Variants in CENPF observed in about 807,000 individuals in gnomAD.
The protein encoded by CENPF is AH antigen.
Under a neutral mutation model 307.3 loss-of-function variants are expected in CENPF, and 214 were observed. The ratio of observed to expected loss-of-function variants is 0.70; its 90% CI spans 0.62 to 0.78. CENPF has a LOEUF of 0.78. CENPF is among the 30% of genes least tolerant of loss of function. The pLI is 0.00. For missense variants in CENPF, 3,401 were observed against 3,483.9 expected (o/e 0.98, Z 0.60); for synonymous variants, 1,259 against 1,270.6 (o/e 0.99, Z 0.19).
intron 6 of CENPF, among the ~76,000 whole-genome samples, 182 bp from the exon 7 acceptor site, chr1:214,621,897 T>C (rs185407441): frequency 5.4e-4 from 83 of 152,354 alleles, no homozygotes; most frequent in Admixed American, 4.8e-3. Flanking sequence ...TATAGAGTAT[T>C]TGAATGCAAA....
rs1005798621 is a variant in CENPF at position 214,632,346 on chromosome 1, C to T, written c.1324-134C>T. 1.7e-5 allele frequency: 15 copies of T among 887,622 alleles called. No individual in the cohort carries two copies. The Admixed American group carries it at 1.8e-4, about 10-fold the overall frequency. 55.0% of individuals were successfully genotyped at this position (887,622 alleles called of 1,614,324 possible). ...TATTTTAAGACATATTTAGCTGTGA[C>T]GTATACTGTATCTCAGCCAAAATAG... On this transcript the variant is annotated intron_variant, in intron 9 of 19. Coordinates refer to ENST00000366955, the MANE Select transcript of CENPF (RefSeq NM_016343.4).
chr1:214,624,879 G>A (rs150181354), intron 7 of CENPF, among the ~76,000 whole-genome samples: 11 of 152,264 alleles, frequency 7.2e-5, no homozygotes, highest in African/African-American at 2.6e-4. Flanking sequence ...GAGAGAGAAT[G>A]TTGGAGTCCC....
chr1:214,649,977 A>G (rs1658418515), intron 14 of CENPF, among the ~76,000 whole-genome samples: 1 of 152,256 alleles, frequency 6.6e-6, no homozygotes, highest in South Asian at 2.1e-4. Flanking sequence ...TGCAGCTTAC[A>G]GTCTAGACAC....
chr1:214,613,031 A>G (rs1657239599), intron 1 of CENPF: 1 of 336,474 alleles, frequency 3.0e-6, no homozygotes, highest in Non-Finnish European at 5.6e-6. Flanking sequence ...TAGGCACCAA[A>G]GCTCTTGTAG....
chr1:214,622,235 A>T lies in CENPF; in HGVS notation c.1022A>T (p.Asp341Val). Residue 341 changes from aspartate (D) to valine (V), a missense_variant, in exon 7 of 20, where the codon GAT becomes GTT. Asp to Val is a radical substitution (Grantham distance 152). Coordinates refer to ENST00000366955, the MANE Select transcript of CENPF (RefSeq NM_016343.4). Reference protein sequence around the residue: ...EKEKVLNKCRDELVRTTAQYD... With the variant: ...EKEKVLNKCRVELVRTTAQYD... ...GAGAAAGTTTTGAACAAATGTAGGG[A>T]TGAACTAGTGAGAACAACAGCACAA... The T allele has an allele frequency of 6.2e-7, 1 of 1,614,122 alleles. No individual in the cohort carries two copies. Among genetic ancestry groups the T allele is most frequent in the South Asian group, 1.1e-5 (1 of 91,078 alleles).
intron 10 of CENPF, among the ~76,000 whole-genome samples, chr1:214,633,487 G>C (rs961106115): frequency 3.9e-5 from 6 of 152,324 alleles, no homozygotes; most frequent in African/African-American, 1.4e-4. Context: ...AGGAAAGAAT[G>C]TTTTTCTGTT....
rs1468775102 is a variant in CENPF at position 214,645,309 on chromosome 1, C to G, written c.5739C>G (p.Ser1913Arg). The change falls in exon 13 of 20, where the codon AGC (serine) becomes AGG (arginine). Residue 1913 changes from serine to arginine, a missense_variant. Physicochemically the swap from Ser to Arg is moderately radical, Grantham distance 110 (BLOSUM62 -1). Coordinates refer to ENST00000366955, the MANE Select transcript of CENPF (RefSeq NM_016343.4). Reference protein sequence around the residue: ...ELSRIRSEKASIEHEALYLEA... With the variant: ...ELSRIRSEKARIEHEALYLEA... The stretch of plus-strand genomic sequence containing the variant: ...GTAGGATCAGATCGGAGAAAGCTAG[C>G]ATTGAGCATGAAGCCCTCTACCTGG... 1.2e-6 allele frequency: 2 copies of G among 1,614,058 alleles called. No homozygotes were observed. Among genetic ancestry groups the G allele is most frequent in the Middle Eastern group, 1.7e-4 (1 of 6,060 alleles).
chr1:214,653,203 A>G (rs763671077), intron 16 of CENPF: 64 of 512,996 alleles, frequency 1.2e-4, no homozygotes, highest in Middle Eastern at 5.1e-4. Context: ...CCATTGCCTC[A>G]TGCATCCTCT....
intron 10 of CENPF, 52 bp downstream of exon 10, chr1:214,632,654 AG>A: frequency 1.3e-6 from 2 of 1,599,336 alleles, no homozygotes; most frequent in South Asian, 2.2e-5. Flanking sequence ...ACCAAGTGCA[AG>A]GGGAAAAGAA....
intron 3 of CENPF, among the ~76,000 whole-genome samples, chr1:214,615,420 A>G (rs1054735982): frequency 6.6e-6 from 1 of 152,204 alleles, no homozygotes; most frequent in Admixed American, 6.5e-5. Flanking sequence ...TGATAGTATG[A>G]TAGTACTTGT....
At chr1:214,660,737 C>A (rs1429466326) in intron 19 of CENPF, among the ~76,000 whole-genome samples, 2 of 152,228 alleles carry the variant, frequency 1.3e-5, no homozygotes, top group Non-Finnish European at 2.9e-5. Flanking sequence ...TCTTAGAAAA[C>A]CATGACATAT....
At chr1:214,661,506 T>C (rs560444811) in intron 19 of CENPF, among the ~76,000 whole-genome samples, 24 of 152,232 alleles carry the variant, frequency 1.6e-4, no homozygotes, top group Non-Finnish European at 3.1e-4. Flanking sequence ...GACAGTTTCC[T>C]AGGTCATTTA....
chr1:214,631,799 C>A (rs1248091185), intron 9 of CENPF, among the ~76,000 whole-genome samples: 1 of 152,226 alleles, frequency 6.6e-6, no homozygotes, highest in Non-Finnish European at 1.5e-5. Flanking sequence ...CCTGCCTGGG[C>A]AGCATCCTAA....
Position 214,641,279 on chromosome 1 carries a change from G to A in CENPF, c.2941G>A (p.Glu981Lys), listed in dbSNP as rs565322817. ...GACCCAAGAGAATGGGACTCTTAAG[G>A]AAATTAATGCATCCTTAAATCAAGA... ...ELTQENGTLK[E>K]INASLNQEKM... Residue 981 changes from glutamate (E) to lysine (K), a missense_variant, in exon 12 of 20, where the codon GAA (glutamate) becomes AAA (lysine). Transcript: ENST00000366955. The A allele has an allele frequency of 2.2e-5, 35 of 1,605,668 alleles. No individual in the cohort carries two copies. The highest frequency in any genetic ancestry group is 1.7e-4 in the Middle Eastern group (1 of 5,998).
chr1:214,629,142 A>G lies in CENPF; in HGVS notation c.1165A>G (p.Ile389Val). ...ESARCSLEQK[I>V]KEKEKEFQEE... ...TGCCAGATGTTCTCTGGAACAGAAA[A>G]TTAAGGAAAAAGAAAAGGAGTTTCA... The change falls in exon 8 of 20, where the codon ATT becomes GTT. Residue 389 changes from isoleucine to valine, a missense_variant. Physicochemically the swap from Ile to Val is conservative, Grantham distance 29 (BLOSUM62 3). Coordinates refer to ENST00000366955, the MANE Select transcript of CENPF (RefSeq NM_016343.4). 1 of 1,608,764 alleles carries G rather than the reference A, an allele frequency of 6.2e-7. No homozygotes were observed. The highest frequency in any genetic ancestry group is 8.5e-7 in the Non-Finnish European group (1 of 1,178,606).
chr1:214,663,443 T>C, intron 19 of CENPF, 148 bp from the exon 20 acceptor site: 1 of 797,078 alleles, frequency 1.3e-6, no homozygotes. Context: ...AGATGGGGCC[T>C]GTTCTCAAGG....
chr1:214,625,493 T>G (rs548376844), intron 7 of CENPF, among the ~76,000 whole-genome samples: 8 of 152,324 alleles, frequency 5.3e-5, no homozygotes, highest in African/African-American at 1.9e-4. Context: ...AGTGTTGGGA[T>G]TACAGACGTG....
At chr1:214,618,007 G>T (rs539210666) in intron 3 of CENPF, among the ~76,000 whole-genome samples, 3 of 152,128 alleles carry the variant, frequency 2.0e-5, no homozygotes, top group African/African-American at 7.2e-5. Context: ...TTTCTTTTCC[G>T]CTGGGAAACT....
chr1:214,649,814 T>C (rs1248415602), intron 14 of CENPF, among the ~76,000 whole-genome samples: 2 of 152,216 alleles, frequency 1.3e-5, no homozygotes, highest in Non-Finnish European at 2.9e-5. Context: ...TGGGCACTAC[T>C]GAGAGGAGTA....
Sources: allele counts gnomAD v4.1 joint callset (sites outside exome capture counted in the v4.1 genomes callset), GRCh38; gene constraint gnomAD v4.1.1; transcripts MANE v1.5; gene names NCBI Gene and HGNC (gene_info 2026-07-23, HGNC 2026-07-21).